The following SEMA6D variants were observed in gnomAD, a reference collection of about 807,000 sequenced individuals.
SEMA6D encodes the protein semaphorin 6D, also known as semaphorin-6D.
A neutral mutation model predicts 106.6 loss-of-function variants in SEMA6D; 35 were observed. The observed-to-expected ratio is 0.33, with a 90% CI of 0.25 to 0.44. The LOEUF (loss-of-function observed/expected upper bound fraction) is 0.44. Among genes scored for constraint, SEMA6D ranks in the 20% least tolerant of loss-of-function variants. The probability of loss-of-function intolerance (pLI) is 1.00; values close to 1 mark genes in which losing one functional copy is unlikely to be tolerated. For missense variants in SEMA6D, 1,185 were observed against 1,345.9 expected (o/e 0.88, Z 1.87); for synonymous variants, 499 against 487.7 (o/e 1.02, Z -0.31).
chr15:47,416,986 G>A (rs1265394964), intron 2 of SEMA6D, among the ~76,000 whole-genome samples: 1 of 151,976 alleles, frequency 6.6e-6, no homozygotes, highest in Non-Finnish European at 1.5e-5. Context: ...TTCAAGTTTT[G>A]CATCTGACAA....
chr15:47,395,167 T>G (rs1418637473), intron 1 of SEMA6D, among the ~76,000 whole-genome samples: 2 of 152,208 alleles, frequency 1.3e-5, no homozygotes, highest in Non-Finnish European at 2.9e-5. Context: ...GTGCTTCAAT[T>G]AGTTGTACTT....
intron 3 of SEMA6D, among the ~76,000 whole-genome samples, chr15:47,544,426 T>C (rs536938609): frequency 1.3e-5 from 2 of 152,310 alleles, no homozygotes; most frequent in African/African-American, 4.8e-5. Context: ...GAATATCTAC[T>C]ATTTGTCAAG....
intron 1 of SEMA6D, among the ~76,000 whole-genome samples, chr15:47,192,114 A>C (rs1052240472): frequency 2.0e-5 from 3 of 152,150 alleles, no homozygotes; most frequent in Middle Eastern, 3.2e-3. Flanking sequence ...AGGTGATCTT[A>C]CTGTGCTTCC....
chr15:47,241,571 G>T (rs79164279), intron 1 of SEMA6D, among the ~76,000 whole-genome samples: 10,146 of 151,656 alleles, frequency 0.067, 1,276 homozygotes, highest in East Asian at 0.6. Flanking sequence ...ACATTCTAAG[G>T]CCAAGTACAT....
intron 1 of SEMA6D, among the ~76,000 whole-genome samples, chr15:47,348,725 C>CAGAGAGAGAGAGAGAGAGAG (rs1398441234): frequency 3.4e-4 from 16 of 47,750 alleles, no homozygotes; most frequent in African/African-American, 6.5e-4. Context: ...ACACCACACA[C>CAGAGAGAGAGAGAGAGAGAG]ACAGAGAGAG....
At chr15:47,613,763 C>T (rs372042754) in intron 4 of SEMA6D, among the ~76,000 whole-genome samples, 160 of 152,194 alleles carry the variant, frequency 1.1e-3, no homozygotes, top group African/African-American at 2.5e-3. Context: ...ACGCCATTCT[C>T]CTGCCTCAGC....
At chr15:47,330,912 A>T (rs1297874127) in intron 1 of SEMA6D, among the ~76,000 whole-genome samples, 1 of 152,204 alleles carries the variant, frequency 6.6e-6, no homozygotes, top group Non-Finnish European at 1.5e-5. Context: ...TCAAGAATGC[A>T]TACCTGCTTA....
At chr15:47,599,306 A>G (rs917812130) in intron 3 of SEMA6D, among the ~76,000 whole-genome samples, 2 of 152,120 alleles carry the variant, frequency 1.3e-5, no homozygotes, top group African/African-American at 4.8e-5. Context: ...ATTCTAGCCA[A>G]CGGCAAGGAG....
intron 1 of SEMA6D, among the ~76,000 whole-genome samples, chr15:47,255,768 G>C (rs555473100): frequency 8.6e-5 from 13 of 151,912 alleles, no homozygotes; most frequent in Non-Finnish European, 1.6e-4. Context: ...GCTTTGAATA[G>C]CCCTAAATCT....
chr15:47,536,146 A>AT (rs2045155872), intron 3 of SEMA6D, among the ~76,000 whole-genome samples: 1 of 152,178 alleles, frequency 6.6e-6, no homozygotes. Context: ...TAAAGCTTTC[A>AT]TTTTTGTTCA....
chr15:47,746,594 T>C (rs2081145692), intron 1 of SEMA6D, among the ~76,000 whole-genome samples: 1 of 152,192 alleles, frequency 6.6e-6, no homozygotes, highest in Non-Finnish European at 1.5e-5. Flanking sequence ...AAACATACTC[T>C]ACTTCTGTCA....
At chr15:47,458,435 T>C (rs2042407521) in intron 2 of SEMA6D, among the ~76,000 whole-genome samples, 1 of 151,932 alleles carries the variant, frequency 6.6e-6, no homozygotes, top group African/African-American at 2.4e-5. Context: ...CATGGAACAT[T>C]TACCAAGATA....
upstream of SEMA6D, among the ~76,000 whole-genome samples, chr15:47,714,292 C>T (rs1006933465): frequency 2.1e-4 from 32 of 152,070 alleles, no homozygotes; most frequent in Non-Finnish European, 4.4e-4. Flanking sequence ...TGACATTAGG[C>T]AATTCACTTA....
intron 4 of SEMA6D, among the ~76,000 whole-genome samples, chr15:47,616,850 C>A (rs1036664673): frequency 3.3e-5 from 5 of 152,230 alleles, no homozygotes; most frequent in African/African-American, 1.2e-4. Context: ...CTCTTACCTT[C>A]TCCCAACAGC....
intron 1 of SEMA6D, among the ~76,000 whole-genome samples, chr15:47,329,649 C>T (rs901581205): frequency 1.6e-4 from 24 of 152,084 alleles, no homozygotes; most frequent in African/African-American, 5.3e-4. Context: ...CTTTTCCCTC[C>T]CTTTGCAGCA....
At chr15:47,232,445 C>T (rs1305325378) in intron 1 of SEMA6D, among the ~76,000 whole-genome samples, 6 of 151,710 alleles carry the variant, frequency 4.0e-5, no homozygotes, top group Admixed American at 3.3e-4. Flanking sequence ...GTAGCCGTAG[C>T]AGTTAACATT....
intron 1 of SEMA6D, among the ~76,000 whole-genome samples, chr15:47,287,696 T>C (rs1233406549): frequency 6.6e-6 from 1 of 152,232 alleles, no homozygotes; most frequent in Non-Finnish European, 1.5e-5. Flanking sequence ...TCTGAGATCA[T>C]CTAAGCTTAA....
rs1209802822 is a variant in SEMA6D, at chr15:47,305,168, G to A, written c.-238-107225G>A. Among the ~76,000 whole-genome samples the A allele has an allele frequency of 4.6e-5, 7 of 152,104 alleles. No homozygotes were observed. In the East Asian group the frequency reaches 9.6e-4, roughly 21 times the overall value. The stretch of plus-strand genomic sequence containing the variant: ...CAGAGAATCTACACTTTTAAACAAG[G>A]TTTCCAGGTGATTATTATGTCTTTT... On this transcript the variant is annotated intron_variant, in intron 1 of 19. Transcript: ENST00000558014.
At chr15:47,550,989 A>G (rs1431584422) in intron 3 of SEMA6D, among the ~76,000 whole-genome samples, 1 of 152,246 alleles carries the variant, frequency 6.6e-6, no homozygotes, top group African/African-American at 2.4e-5. Context: ...CATAATAAAA[A>G]TTAGACTAGA....
Sources: gnomAD v4.1 joint callset for allele counts (sites outside exome capture counted in the v4.1 genomes callset) on GRCh38, gnomAD v4.1.1 for gene constraint, MANE v1.5 for transcripts, NCBI Gene and HGNC (gene_info 2026-07-23, HGNC 2026-07-21) for gene names.